The following PRKAG2 variants were observed in gnomAD, a reference collection of about 807,000 sequenced individuals.
The protein encoded by PRKAG2 is 5'-AMP-activated protein kinase subunit gamma-2.
PRKAG2 carries 26 observed loss-of-function variants against 69.6 expected under a neutral mutation model. The ratio of observed to expected loss-of-function variants is 0.37; its 90% confidence interval spans 0.27 to 0.52. The LOEUF (loss-of-function observed/expected upper bound fraction) is 0.52. Among genes scored for constraint, PRKAG2 ranks in the 20% least tolerant of loss-of-function variants. PRKAG2 has a pLI of 0.90. For missense variants in PRKAG2, 557 were observed against 740.0 expected (o/e 0.75, Z 2.87); for synonymous variants, 293 against 285.0 (o/e 1.03, Z -0.28).
At chr7:151,560,044 G>C (rs969618863) in intron 15 of PRKAG2, 7 of 985,046 alleles carry the variant, frequency 7.1e-6, no homozygotes, top group Non-Finnish European at 8.4e-6. Flanking sequence ...CACTCTATCT[G>C]AAAGTGAATG....
intron 5 of PRKAG2, among the ~76,000 whole-genome samples, chr7:151,631,088 G>A (rs929627357): frequency 1.8e-4 from 28 of 152,190 alleles, no homozygotes; most frequent in African/African-American, 6.5e-4. Flanking sequence ...ATGAACAGAG[G>A]TATTAAAGTA....
At position 151,638,612 on chromosome 7, in the gene PRKAG2, G is replaced by A. The variant is rs780116990; in HGVS notation, c.685-6474C>T. ...TTGCACCACTGCACTCCAGCTTGGC[G>A]ACAGAGTGAGACTCTGTCTCAAAAA... On this transcript the variant is annotated intron_variant, in intron 4 of 15. Transcript: ENST00000287878. This position sits in a 1 kb window ranked among gnomAD's most constrained non-coding sequence, Gnocchi z 4.3. Among the ~76,000 whole-genome samples the A allele has an allele frequency of 2.0e-5, 3 of 151,800 alleles. No individual in the cohort carries two copies. The highest frequency in any genetic ancestry group is 2.9e-5 in the Non-Finnish European group (2 of 67,988).
intron 4 of PRKAG2, among the ~76,000 whole-genome samples, chr7:151,663,710 T>A (rs1830643883): frequency 6.6e-6 from 1 of 152,156 alleles, no homozygotes; most frequent in Non-Finnish European, 1.5e-5. Flanking sequence ...GCAGGACAAA[T>A]AACTAATTCC....
intron 3 of PRKAG2, among the ~76,000 whole-genome samples, chr7:151,698,427 G>A (rs1270494401): frequency 1.3e-5 from 2 of 152,122 alleles, no homozygotes; most frequent in Admixed American, 6.5e-5. Flanking sequence ...TGCGACCCCC[G>A]AGTTGAAGGT....
At chr7:151,721,888 C>A (rs1245987602) in intron 3 of PRKAG2, among the ~76,000 whole-genome samples, 2 of 152,116 alleles carry the variant, frequency 1.3e-5, no homozygotes, top group African/African-American at 4.8e-5. Flanking sequence ...GTCCTAGATT[C>A]TTTCCCCTTA....
chr7:151,753,045 G>A lies in PRKAG2; in HGVS notation c.466+28107C>T, dbSNP rs1031240763. ...ATGGGTGGGTGCCCACCTGAGGGCGGAGGCTGGCTCTGATGGTGAGGAAAT... is the reference window on the plus strand; with the variant it reads ...ATGGGTGGGTGCCCACCTGAGGGCGAAGGCTGGCTCTGATGGTGAGGAAAT... On this transcript the variant is annotated intron_variant, in intron 3 of 15. Transcript: ENST00000287878. 3.3e-5 allele frequency among the ~76,000 whole-genome samples: 5 copies of A among 152,286 alleles called. No homozygotes were observed. In the East Asian group the frequency reaches 9.6e-4, roughly 29 times the overall value.
chr7:151,577,474 G>A (rs1809246409), intron 6 of PRKAG2, among the ~76,000 whole-genome samples: 1 of 152,180 alleles, frequency 6.6e-6, no homozygotes, highest in African/African-American at 2.4e-5. Context: ...AGTGTCATTT[G>A]TAGATGCTAA....
chr7:151,764,944 C>G lies in PRKAG2; in HGVS notation c.466+16208G>C, dbSNP rs2075649827. ...AGATCATGGCTGAGAGGCCGAGCAT[C>G]CTGTCTGCTGTGTGGCCATAGCTTT... On this transcript the variant is annotated intron_variant, in intron 3 of 15. Coordinates refer to ENST00000287878, the MANE Select transcript of PRKAG2 (RefSeq NM_016203.4). 2.0e-5 allele frequency among the ~76,000 whole-genome samples: 3 copies of G among 152,322 alleles called. No individual in the cohort carries two copies. In the East Asian group the frequency reaches 5.8e-4, roughly 29 times the overall value.
intron 1 of PRKAG2, among the ~76,000 whole-genome samples, chr7:151,801,034 A>C (rs576707845): frequency 2.0e-5 from 3 of 152,320 alleles, no homozygotes; most frequent in African/African-American, 7.2e-5. Flanking sequence ...ATTTTTAAAA[A>C]GCAATAGCAG....
rs186376642 is a variant in PRKAG2, at chr7:151,845,563, T to C, written c.114+30944A>G. 1.9e-3 allele frequency among the ~76,000 whole-genome samples: 291 copies of C among 152,022 alleles called. 1 individual carries two copies. The highest frequency in any genetic ancestry group is 3.4e-3 in the Middle Eastern group (1 of 294). On this transcript the variant is annotated intron_variant, in intron 1 of 15. Coordinates refer to ENST00000287878, the MANE Select transcript of PRKAG2 (RefSeq NM_016203.4). ...GGGAGGAAGCGGTGGTGGCCCCACT[T>C]GGAAGTCTGGGCCCTGGCAGCATCA...
intron 3 of PRKAG2, among the ~76,000 whole-genome samples, chr7:151,721,270 T>C (rs944859676): frequency 1.3e-5 from 2 of 152,092 alleles, no homozygotes; most frequent in African/African-American, 4.8e-5. Flanking sequence ...CCTCTCTGCA[T>C]CTCGAAAATG....
chr7:151,618,339 G>A (rs1820653376), intron 5 of PRKAG2, among the ~76,000 whole-genome samples: 2 of 152,026 alleles, frequency 1.3e-5, no homozygotes, highest in South Asian at 4.1e-4. Flanking sequence ...TGTAATCCCA[G>A]CTACTCAGGA....
intron 3 of PRKAG2, among the ~76,000 whole-genome samples, chr7:151,682,135 T>A (rs565760353): frequency 6.6e-6 from 1 of 152,244 alleles, no homozygotes; most frequent in Admixed American, 6.5e-5. Context: ...AACTGTCTTA[T>A]GAGTCAGGTA....
chr7:151,595,560 A>C (rs2151135800), intron 5 of PRKAG2, 106 bp from the exon 6 acceptor site: 1 of 820,082 alleles, frequency 1.2e-6, no homozygotes, highest in African/African-American at 1.7e-5. Context: ...GTAAAATACG[A>C]AATGTTTTCC....
At chr7:151,576,703 G>A (rs1040786165) in intron 6 of PRKAG2, among the ~76,000 whole-genome samples, 3 of 152,100 alleles carry the variant, frequency 2.0e-5, no homozygotes, top group African/African-American at 7.2e-5. Context: ...GTTTCACCAT[G>A]TTGGCTAAGC....
chr7:151,786,611 G>T, intron 1 of PRKAG2, 70 bp from the exon 2 acceptor site: 4 of 1,278,696 alleles, frequency 3.1e-6, no homozygotes, highest in Non-Finnish European at 4.5e-6. Context: ...GGAACTCTAC[G>T]TGGGTGTCAC....
intron 3 of PRKAG2, among the ~76,000 whole-genome samples, chr7:151,767,061 T>C (rs920631363): frequency 6.6e-6 from 1 of 152,022 alleles, no homozygotes; most frequent in Non-Finnish European, 1.5e-5. Flanking sequence ...ATAGTCTCCT[T>C]AGAAAAAGGG....
rs911404576 is a variant in PRKAG2 at position 151,780,484 on chromosome 7, G to A, written c.466+668C>T. Reference sequence around the variant, plus strand: ...AGACAAAGGAAAGGAGAAAGTAAACGCCATAAACTTTCTAGTTCGTGGTAT... The same window carrying A: ...AGACAAAGGAAAGGAGAAAGTAAACACCATAAACTTTCTAGTTCGTGGTAT... On this transcript the variant is annotated intron_variant, in intron 3 of 15. Transcript: ENST00000287878. This position sits in a 1 kb window ranked among gnomAD's most constrained non-coding sequence, Gnocchi z 4.2. Among the ~76,000 whole-genome samples the A allele has an allele frequency of 3.9e-5, 6 of 152,308 alleles. No homozygotes were observed. The highest frequency in any genetic ancestry group is 2.1e-4 in the South Asian group (1 of 4,828).
rs1017340096 is a variant in PRKAG2, at chr7:151,733,640, G to A, written c.466+47512C>T. On this transcript the variant is annotated intron_variant, in intron 3 of 15. Transcript: ENST00000287878. ...TTTAGACCGTGTTAGTGAGTCTCCC[G>A]TCTAGGATTCCATCCCTCCTCTCCC... Among the ~76,000 whole-genome samples, 8 of 151,812 alleles carry A rather than the reference G, an allele frequency of 5.3e-5. No individual in the cohort carries two copies. The East Asian group carries it at 5.8e-4, about 11-fold the overall frequency.
Sources: allele counts gnomAD v4.1 joint callset (sites outside exome capture counted in the v4.1 genomes callset), GRCh38; gene constraint gnomAD v4.1.1; non-coding constraint Gnocchi (gnomAD v3.1); transcripts MANE v1.5; gene names NCBI Gene and HGNC (gene_info 2026-07-23, HGNC 2026-07-21).